The following FYCO1 variants were observed in gnomAD, a reference collection of about 807,000 sequenced individuals.
The protein encoded by FYCO1 is FYVE and coiled-coil domain-containing protein 1.
FYCO1 carries 122 observed loss-of-function variants against 165.1 expected under a neutral mutation model. The ratio of observed to expected loss-of-function variants is 0.74; its 90% CI spans 0.64 to 0.86. The LOEUF (loss-of-function observed/expected upper bound fraction) is 0.86, where lower values mean the gene tolerates loss of function less well. Among genes scored for constraint, FYCO1 ranks in the 40% least tolerant of loss-of-function variants. The pLI, the probability that FYCO1 is intolerant of heterozygous loss-of-function variation, is 0.00. For synonymous variants in FYCO1, 648 were observed against 742.5 expected, an observed-to-expected ratio of 0.87 and a Z score of 2.07; for missense variants, 1,702 against 1,810.3, an observed-to-expected ratio of 0.94 and a Z score of 1.09.
Position 45,918,211 on chromosome 3 carries a change from T to G in FYCO1, c.*3554A>C, listed in dbSNP as rs1702977902. Reference sequence around the variant, plus strand: ...TGCTCTGCAGCCACCAGAGGCAGAGTGTCTCTGCATAACATACATCAAGCA... The same window carrying G: ...TGCTCTGCAGCCACCAGAGGCAGAGGGTCTCTGCATAACATACATCAAGCA... On this transcript the variant is annotated 3_prime_UTR_variant, in exon 18 of 18. Transcript: ENST00000296137. 1 of 152,580 alleles carries G rather than the reference T, an allele frequency of 6.6e-6. No individual in the cohort carries two copies. The allele number at this position is 152,580 out of a possible 1,614,324, so 9.5% of individuals were successfully genotyped here.
Position 45,958,523 on chromosome 3 carries a change from C to A in FYCO1, c.3684G>T (p.Gln1228His). 1 of 1,614,242 alleles carries A rather than the reference C, an allele frequency of 6.2e-7. No individual in the cohort carries two copies. Among genetic ancestry groups the A allele is most frequent in the Non-Finnish European group, 8.5e-7 (1 of 1,180,044 alleles). The change falls in exon 13 of 18, where the codon CAG becomes CAT. Residue 1228 changes from glutamine to histidine, a missense_variant. Physicochemically the swap from Gln to His is conservative, Grantham distance 24. Transcript: ENST00000296137. ...GGGAGCCAGGGCCTTCACTGAGCTT[C>A]TGGAAACAGGCTCGGCAGCAGCGCT... Reference protein sequence around the residue: ...KKERCCRACFQKLSEGPGSPD... With the variant: ...KKERCCRACFHKLSEGPGSPD...
chr3:45,975,188 G>A, intron 5 of FYCO1, 51 bp downstream of exon 5: 7 of 1,230,970 alleles, frequency 5.7e-6, no homozygotes, highest in Non-Finnish European at 8.4e-6. Context: ...ATGAACTTTA[G>A]TTCATTTCTG....
chr3:45,938,453 T>A (rs1457790654), intron 14 of FYCO1, among the ~76,000 whole-genome samples: 1 of 152,222 alleles, frequency 6.6e-6, no homozygotes. Flanking sequence ...GTATATTGCA[T>A]GTTGTGAGGA....
At chr3:45,925,233 A>ATTTT (rs373178527) in intron 16 of FYCO1, among the ~76,000 whole-genome samples, 1 of 144,424 alleles carries the variant, frequency 6.9e-6, no homozygotes, top group Non-Finnish European at 1.5e-5. Context: ...CAGCCCTTAC[A>ATTTT]TTTTTTTTTT....
intron 14 of FYCO1, among the ~76,000 whole-genome samples, chr3:45,950,932 C>A (rs987004967): frequency 6.6e-6 from 1 of 152,298 alleles, no homozygotes; most frequent in Middle Eastern, 3.4e-3. Flanking sequence ...TTCTGAGATA[C>A]CAAACATCAA....
chr3:45,923,744 A>T lies in FYCO1; in HGVS notation c.4273T>A (p.Cys1425Ser). Residue 1425 changes from cysteine to serine, a missense_variant, in exon 17 of 18, where the codon TGC becomes AGC. Coordinates refer to ENST00000296137, the MANE Select transcript of FYCO1 (RefSeq NM_024513.4). ...QCKVLIPTTR[C>S]NSHKENIQGQ... ...TGGATGTTCTCCTTGTGGGAGTTGC[A>T]TCGGGTCGTGGGAATGAGGACCTGG... 6.2e-7 allele frequency: 1 copy of T among 1,614,082 alleles called. No homozygotes were observed. Among genetic ancestry groups the T allele is most frequent in the Middle Eastern group, 1.6e-4 (1 of 6,062 alleles).
At chr3:45,970,369 G>A (rs974399084) in intron 6 of FYCO1, among the ~76,000 whole-genome samples, 1 of 152,170 alleles carries the variant, frequency 6.6e-6, no homozygotes, top group Non-Finnish European at 1.5e-5. Flanking sequence ...AAATTATTGT[G>A]TGTTCAAACC....
rs774600279 is a variant in FYCO1, at chr3:45,968,653, C to G, written c.681G>C (p.Glu227Asp). ...GCATCTCATCAAAGCCCTCCAATGCCTCGTTGTTTAGGGGGCTGTTCAGGT... is the reference window on the plus strand; with the variant it reads ...GCATCTCATCAAAGCCCTCCAATGCGTCGTTGTTTAGGGGGCTGTTCAGGT... The part of the protein sequence containing the change: ...NFDLNSPLNN[E>D]ALEGFDEMRL... Residue 227 changes from glutamate (E) to aspartate (D), a missense_variant, in exon 8 of 18, where the codon GAG becomes GAC. By Grantham distance (45) the Glu-to-Asp change is conservative. Transcript: ENST00000296137. 2 of 1,614,200 alleles carry G rather than the reference C, an allele frequency of 1.2e-6. No individual in the cohort carries two copies. Among genetic ancestry groups the G allele is most frequent in the Admixed American group, 3.3e-5 (2 of 60,032 alleles).
intron 13 of FYCO1, 144 bp downstream of exon 13, chr3:45,958,264 G>T: frequency 1.4e-6 from 1 of 690,308 alleles, no homozygotes; most frequent in Non-Finnish European, 2.6e-6. Flanking sequence ...GTCTCAAGTT[G>T]GTGGTAATAT....
intron 11 of FYCO1, among the ~76,000 whole-genome samples, 169 bp from the exon 12 acceptor site, chr3:45,959,711 C>T (rs901227089): frequency 2.0e-5 from 3 of 152,194 alleles, no homozygotes; most frequent in Non-Finnish European, 4.4e-5. Context: ...CCATCTCCCC[C>T]GACATGCAGA....
At chr3:45,979,578 C>T (rs1311399606) in intron 4 of FYCO1, 127 bp downstream of exon 4, 4 of 1,137,564 alleles carry the variant, frequency 3.5e-6, no homozygotes, top group Non-Finnish European at 5.3e-6. Flanking sequence ...TATACCTGGA[C>T]TAGATTTCTT....
At position 45,968,650 on chromosome 3, in the gene FYCO1, T is replaced by C; in HGVS notation, c.684A>G (p.Ala228=). The change falls in exon 8 of 18, where the codon GCA becomes GCG. Residue 228 remains alanine, a synonymous_variant. Coordinates refer to ENST00000296137, the MANE Select transcript of FYCO1 (RefSeq NM_024513.4). Reference sequence around the variant, plus strand: ...GTCGCATCTCATCAAAGCCCTCCAATGCCTCGTTGTTTAGGGGGCTGTTCA... The same window carrying C: ...GTCGCATCTCATCAAAGCCCTCCAACGCCTCGTTGTTTAGGGGGCTGTTCA... ...FDLNSPLNNE[A]LEGFDEMRLE... 1 of 1,614,196 alleles carries C rather than the reference T, an allele frequency of 6.2e-7. No homozygotes were observed.
intron 7 of FYCO1, 27 bp downstream of exon 7, chr3:45,969,648 G>C: frequency 6.3e-7 from 1 of 1,583,940 alleles, no homozygotes; most frequent in Non-Finnish European, 8.7e-7. Flanking sequence ...GCTATAGGAA[G>C]ATAATTCCCA....
Position 45,921,604 on chromosome 3 carries a change from T to A in FYCO1, c.*161A>T. ...GGGGCTAAGAGTGGCCGGTGCAGAGTGCTGAGCACAAAGTCCTCCCCAGAC... is the reference window on the plus strand; with the variant it reads ...GGGGCTAAGAGTGGCCGGTGCAGAGAGCTGAGCACAAAGTCCTCCCCAGAC... On this transcript the variant is annotated 3_prime_UTR_variant, in exon 18 of 18. Coordinates refer to ENST00000296137, the MANE Select transcript of FYCO1 (RefSeq NM_024513.4). 1 of 671,194 alleles carries A rather than the reference T, an allele frequency of 1.5e-6. No homozygotes were observed. The highest frequency in any genetic ancestry group is 2.8e-5 in the East Asian group (1 of 35,850). The allele number at this position is 671,194 out of a possible 1,614,324, so 41.6% of individuals were successfully genotyped here.
intron 6 of FYCO1, among the ~76,000 whole-genome samples, chr3:45,970,263 T>A (rs1706347635): frequency 6.6e-6 from 1 of 152,226 alleles, no homozygotes; most frequent in Non-Finnish European, 1.5e-5. Context: ...ATGGCACTGC[T>A]TTAGAAATAC....
rs767735520 is a variant in FYCO1 at position 45,921,822 on chromosome 3, T to C, written c.4380A>G (p.Val1460=). 1.2e-6 allele frequency: 2 copies of C among 1,612,256 alleles called. No individual in the cohort carries two copies. Among genetic ancestry groups the C allele is most frequent in the East Asian group, 2.2e-5 (1 of 44,864 alleles). ...GCCGATCAACCGTCAAGTGATAAAA[T>C]ACCTTTTTAGAGACAAACCTGAGGA... The part of the protein sequence containing the change: ...NTFSRFVSKK[V]FYHLTVDRPV... The change falls in exon 18 of 18, where the codon GTA becomes GTG. Residue 1460 remains valine, a synonymous_variant. Coordinates refer to ENST00000296137, the MANE Select transcript of FYCO1 (RefSeq NM_024513.4).
Position 45,964,643 on chromosome 3 carries a change from G to A in FYCO1, c.3151-189C>T. The A allele has an allele frequency of 3.9e-6, 3 of 773,200 alleles. No individual in the cohort carries two copies. The highest frequency in any genetic ancestry group is 4.7e-6 in the Non-Finnish European group (3 of 636,014). The allele number at this position is 773,200 out of a possible 1,614,324, so 47.9% of individuals were successfully genotyped here. ...GGGGCCTCAACTGCAACTAGTTGTGGTGGTTGGCAAGTGGCAGGTACCAGA... is the reference window on the plus strand; with the variant it reads ...GGGGCCTCAACTGCAACTAGTTGTGATGGTTGGCAAGTGGCAGGTACCAGA... On this transcript the variant is annotated intron_variant, in intron 9 of 17. Coordinates refer to ENST00000296137, the MANE Select transcript of FYCO1 (RefSeq NM_024513.4). The surrounding 1 kb of genome is among the most constrained non-coding windows in gnomAD (Gnocchi z 4.1).
chr3:45,967,891 G>C lies in FYCO1; in HGVS notation c.1443C>G (p.Ser481Arg), dbSNP rs371143091. 2.5e-6 allele frequency: 4 copies of C among 1,614,086 alleles called. No individual in the cohort carries two copies. Among genetic ancestry groups the C allele is most frequent in the Non-Finnish European group, 3.4e-6 (4 of 1,180,016 alleles). The part of the protein sequence containing the change: ...RRLQELLAHT[S>R]SWEEELAELR... ...ACTCTGCTAGCTCCTCCTCCCAGGA[G>C]CTCGTGTGGGCCAGCAACTCCTGCA... Residue 481 changes from serine to arginine, a missense_variant, in exon 8 of 18, where the codon AGC (serine) becomes AGG (arginine). Physicochemically the swap from Ser to Arg is moderately radical, Grantham distance 110. Transcript: ENST00000296137.
At position 45,968,372 on chromosome 3, in the gene FYCO1, C is replaced by G. The variant is rs3733100; in HGVS notation, c.962G>C (p.Gly321Ala). The G allele has an allele frequency of 0.54, 871,870 of 1,613,190 alleles. 242,056 individuals are homozygous for G. The highest frequency in any genetic ancestry group is 0.7 in the South Asian group (63,343 of 91,074). Residue 321 changes from glycine to alanine, a missense_variant, in exon 8 of 18, where the codon GGC becomes GCC. Coordinates refer to ENST00000296137, the MANE Select transcript of FYCO1 (RefSeq NM_024513.4). ...CTTCTCTGCTGCTCCTAGCTCCAGG[C>G]CCTGCAGGCATGTCTGCAGCTCCTT... ...TVKELQTCLQ[G>A]LELGAAEKEE...
Sources: gnomAD v4.1 joint callset for allele counts (sites outside exome capture counted in the v4.1 genomes callset) on GRCh38, gnomAD v4.1.1 for gene constraint, Gnocchi (gnomAD v3.1) non-coding constraint, MANE v1.5 for transcripts, NCBI Gene and HGNC (gene_info 2026-07-23, HGNC 2026-07-21) for gene names.